RPS6KA5: variants seen among roughly 807,000 people sequenced by gnomAD.
RPS6KA5 encodes ribosomal protein S6 kinase alpha-5.
A neutral mutation model predicts 85.5 loss-of-function variants in RPS6KA5; 27 were observed. The ratio of observed to expected loss-of-function variants is 0.32; its 90% CI spans 0.23 to 0.44. The LOEUF (loss-of-function observed/expected upper bound fraction) is 0.44. Ranked by LOEUF, RPS6KA5 falls within the 20% of genes least tolerant of loss-of-function variation. The pLI is 1.00. For missense variants in RPS6KA5, 811 were observed against 980.9 expected, an observed-to-expected ratio of 0.83 and a Z score of 2.31; for synonymous variants, 334 against 348.2, an observed-to-expected ratio of 0.96 and a Z score of 0.46.
chr14:90,872,264 A>C lies in RPS6KA5; in HGVS notation c.2219T>G (p.Leu740Trp). 1 of 1,613,900 alleles carries C rather than the reference A, an allele frequency of 6.2e-7. No homozygotes were observed. The highest frequency in any genetic ancestry group is 1.1e-5 in the South Asian group (1 of 91,042). The stretch of plus-strand genomic sequence containing the variant: ...CTTTTTCATTTTTCTTCTCTTAGCC[A>C]AAGGGGCCTTATCAACATTCTGAAG... The part of the protein sequence containing the change: ...FCLQNVDKAP[L>W]AKRRKMKKTS... The change falls in exon 17 of 17, where the codon TTG becomes TGG. Residue 740 changes from leucine (L) to tryptophan (W), a missense_variant. Physicochemically the swap from Leu to Trp is moderately conservative, Grantham distance 61. Around this residue, in one of 3 missense-constraint regions of RPS6KA5, gnomAD observed 650 missense variants for 793.4 expected, o/e 0.82. Transcript: ENST00000614987.
chr14:90,864,004 A>G lies in RPS6KA5; in HGVS notation c.*8070T>C, dbSNP rs2032694526. 1 of 152,260 alleles carries G rather than the reference A, an allele frequency of 6.6e-6. No homozygotes were observed. The highest frequency in any genetic ancestry group is 2.4e-5 in the African/African-American group (1 of 41,468). The allele number at this position is 152,260 out of a possible 1,614,324, so 9.4% of individuals were successfully genotyped here. On this transcript the variant is annotated 3_prime_UTR_variant, in exon 17 of 17. Coordinates refer to ENST00000614987, the MANE Select transcript of RPS6KA5 (RefSeq NM_004755.4). ...GAAGACTTCATAAAAATTACAACTC[A>G]GCTTTTCAATACATTGTGCTGGGTC...
chr14:91,012,484 G>A (rs904503232), intron 1 of RPS6KA5, among the ~76,000 whole-genome samples: 10 of 152,110 alleles, frequency 6.6e-5, no homozygotes, highest in African/African-American at 2.4e-4. Context: ...TTTTCTTGTT[G>A]TATGTGTACT....
At chr14:90,878,745 C>T (rs570802277) in intron 14 of RPS6KA5, among the ~76,000 whole-genome samples, 22 of 152,260 alleles carry the variant, frequency 1.4e-4, no homozygotes, top group Admixed American at 3.9e-4. Flanking sequence ...CACTAAGAAG[C>T]GGGAATAGAA....
At chr14:90,886,418 T>A (rs1223567155) in intron 14 of RPS6KA5, among the ~76,000 whole-genome samples, 2 of 152,246 alleles carry the variant, frequency 1.3e-5, no homozygotes, top group Non-Finnish European at 2.9e-5. Context: ...TTGCACCCGC[T>A]GGGGATTCAC....
intron 13 of RPS6KA5, among the ~76,000 whole-genome samples, chr14:90,892,468 G>A (rs752447167): frequency 2.0e-5 from 3 of 152,222 alleles, no homozygotes; most frequent in African/African-American, 7.2e-5. Flanking sequence ...ACATGGAGGA[G>A]GGTGTGCCTA....
At chr14:90,967,110 T>C (rs913400626) in intron 3 of RPS6KA5, among the ~76,000 whole-genome samples, 6 of 152,178 alleles carry the variant, frequency 3.9e-5, no homozygotes, top group African/African-American at 1.4e-4. Flanking sequence ...ATGTGACCCT[T>C]CCAAAAAACA....
At chr14:90,926,919 G>T (rs1345402313) in intron 5 of RPS6KA5, among the ~76,000 whole-genome samples, 1 of 152,002 alleles carries the variant, frequency 6.6e-6, no homozygotes, top group Non-Finnish European at 1.5e-5. Flanking sequence ...AAACAAATGT[G>T]TAAGTAAATA....
intron 1 of RPS6KA5, among the ~76,000 whole-genome samples, chr14:91,011,284 G>A (rs2041245398): frequency 6.6e-6 from 1 of 151,972 alleles, no homozygotes; most frequent in South Asian, 2.1e-4. Context: ...TCAAGAGATC[G>A]AGACCATCCT....
chr14:90,952,926 C>T (rs531104911), intron 3 of RPS6KA5, among the ~76,000 whole-genome samples: 6 of 152,300 alleles, frequency 3.9e-5, no homozygotes, highest in African/African-American at 1.2e-4. Context: ...CTAAACCCCA[C>T]GACTTGGATT....
intron 3 of RPS6KA5, among the ~76,000 whole-genome samples, chr14:90,956,717 C>A (rs1298186760): frequency 6.6e-6 from 1 of 151,404 alleles, no homozygotes; most frequent in Non-Finnish European, 1.5e-5. Flanking sequence ...ACTTGCCATA[C>A]AATATTAACT....
intron 9 of RPS6KA5, among the ~76,000 whole-genome samples, chr14:90,902,501 T>A (rs1279442848): frequency 6.6e-6 from 1 of 152,124 alleles, no homozygotes; most frequent in Non-Finnish European, 1.5e-5. Context: ...TAAAAATTTT[T>A]AAATATGAAT....
In RPS6KA5 at chr14:90,854,986, T is replaced by G. The variant is rs2032198803; in HGVS notation, c.*17088A>C. On this transcript the variant is annotated 3_prime_UTR_variant, in exon 17 of 17. Transcript: ENST00000614987. The stretch of plus-strand genomic sequence containing the variant: ...CTTATTTACATTTTCTATAAAAGTA[T>G]TTTGAAGTTTTAAAAGTCTAATCGA... 1 of 152,220 alleles carries G rather than the reference T, an allele frequency of 6.6e-6. No individual in the cohort carries two copies. Among genetic ancestry groups the G allele is most frequent in the Admixed American group, 6.5e-5 (1 of 15,276 alleles). 9.4% of individuals were successfully genotyped at this position (152,220 alleles called of 1,614,324 possible). A position where few individuals can be genotyped will look rare whatever the true frequency, so the allele number is the denominator to read the frequency against.
intron 14 of RPS6KA5, among the ~76,000 whole-genome samples, chr14:90,876,127 C>T (rs2033456165): frequency 6.6e-6 from 1 of 151,982 alleles, no homozygotes; most frequent in Non-Finnish European, 1.5e-5. Context: ...AGTGGCATGG[C>T]TTGTTATGAT....
intron 1 of RPS6KA5, among the ~76,000 whole-genome samples, chr14:91,017,469 T>C (rs2041552868): frequency 6.6e-6 from 1 of 152,210 alleles, no homozygotes; most frequent in African/African-American, 2.4e-5. Flanking sequence ...ACTCATGGAA[T>C]TCACTGGTCT....
In RPS6KA5 at chr14:90,851,692, G is replaced by A. The variant is rs575515226; in HGVS notation, c.*20382C>T. On this transcript the variant is annotated 3_prime_UTR_variant, in exon 17 of 17. Coordinates refer to ENST00000614987, the MANE Select transcript of RPS6KA5 (RefSeq NM_004755.4). The stretch of plus-strand genomic sequence containing the variant: ...ACCAAGGGTTCAGGGAAAAAGGAAG[G>A]AATTAAGTGAGCTCTTTGGGTAACC... 1.3e-5 allele frequency: 2 copies of A among 152,308 alleles called. No individual in the cohort carries two copies. The highest frequency in any genetic ancestry group is 4.1e-4 in the South Asian group (2 of 4,822). The allele number at this position is 152,308 out of a possible 1,614,324, so 9.4% of individuals were successfully genotyped here.
At chr14:91,048,785 C>G (rs183263604) in intron 1 of RPS6KA5, among the ~76,000 whole-genome samples, 1 of 152,138 alleles carries the variant, frequency 6.6e-6, no homozygotes, top group Admixed American at 6.5e-5. Context: ...CCCCTCCCTC[C>G]CACAGCACTT....
At position 91,034,306 on chromosome 14, in the gene RPS6KA5, C is replaced by CA. The variant is rs201455291; in HGVS notation, c.103+26025dup. 2.1e-3 allele frequency among the ~76,000 whole-genome samples: 228 copies of CA among 108,600 alleles called. 1 individual carries two copies. The highest frequency in any genetic ancestry group is 9.0e-3 in the Middle Eastern group (2 of 222). 71.2% of individuals were successfully genotyped at this position (108,600 alleles called of 152,430 possible). A position where few individuals can be genotyped will look rare whatever the true frequency, so the allele number is the denominator to read the frequency against. ...GGAGACAGAAGTAAAAACCCTGTCT[C>CA]AAAAAAAAAAAAAAAAGATAAATTT... is the stretch of plus-strand genomic sequence containing the variant. On this transcript the variant is annotated intron_variant, in intron 1 of 16. Transcript: ENST00000614987.
chr14:91,021,719 T>A (rs554612715), intron 1 of RPS6KA5, among the ~76,000 whole-genome samples: 1 of 152,306 alleles, frequency 6.6e-6, no homozygotes, highest in South Asian at 2.1e-4. Context: ...AGCCTTTCCC[T>A]AATCATTTTA....
chr14:91,045,486 A>G (rs2042834372), intron 1 of RPS6KA5, among the ~76,000 whole-genome samples: 1 of 152,074 alleles, frequency 6.6e-6, no homozygotes. Flanking sequence ...CTGGTCTCGA[A>G]TCTCTGACCT....
Sources: allele counts gnomAD v4.1 joint callset (sites outside exome capture counted in the v4.1 genomes callset), GRCh38; gene constraint gnomAD v4.1.1; regional missense constraint gnomAD v4.1.1; transcripts MANE v1.5; gene names NCBI Gene and HGNC (gene_info 2026-07-23, HGNC 2026-07-21).